MDH2: variants seen among roughly 807,000 people sequenced by gnomAD.
MDH2 encodes the protein malate dehydrogenase, mitochondrial.
Under a neutral mutation model 33.6 loss-of-function variants are expected in MDH2, and 25 were observed. The observed-to-expected ratio is 0.74, with a 90% CI of 0.54 to 1.04. The LOEUF (loss-of-function observed/expected upper bound fraction) is 1.04, where lower values mean the gene tolerates loss of function less well. Among genes scored for constraint, MDH2 ranks in the 50% least tolerant of loss-of-function variants. The pLI is 0.00. For missense variants in MDH2, 432 were observed against 445.0 expected (o/e 0.97, Z 0.26); for synonymous variants, 193 against 188.7 (o/e 1.02, Z -0.19).
intron 1 of MDH2, among the ~76,000 whole-genome samples, chr7:76,051,671 T>TAA (rs1554585457): frequency 1.3e-4 from 20 of 152,340 alleles, no homozygotes; most frequent in Admixed American, 1.3e-3. Context: ...AGCCCCAATG[T>TAA]ATTTACTTAT....
intron 8 of MDH2, among the ~76,000 whole-genome samples, chr7:76,065,331 CT>C (rs1298108023): frequency 6.6e-6 from 1 of 152,172 alleles, no homozygotes; most frequent in Non-Finnish European, 1.5e-5. Context: ...CCCAATTCCT[CT>C]TCGAGAGTGT....
chr7:76,057,392 G>A lies in MDH2; in HGVS notation c.236-18G>A. 6.2e-7 allele frequency: 1 copy of A among 1,613,944 alleles called. No homozygotes were observed. The highest frequency in any genetic ancestry group is 8.5e-7 in the Non-Finnish European group (1 of 1,179,920). On this transcript the variant is annotated intron_variant, in intron 2 of 8. Transcript: ENST00000315758. ...AATCAGAAACGGTGACATTTCTCTT[G>A]TGGGGTGTTTGTTCTAGGCTACCTC... is the stretch of plus-strand genomic sequence containing the variant.
At chr7:76,048,513 C>A in intron 1 of MDH2, 1 of 1,320,964 alleles carries the variant, frequency 7.6e-7, no homozygotes, top group Non-Finnish European at 9.7e-7. Context: ...TTGGCTTGCA[C>A]GCCTTCAAGG....
At chr7:76,051,318 ATTT>A (rs11342333) in intron 1 of MDH2, among the ~76,000 whole-genome samples, 12 of 129,812 alleles carry the variant, frequency 9.2e-5, no homozygotes, top group Admixed American at 1.6e-4. Flanking sequence ...CAGACTTTGG[ATTT>A]TTTTTTTTTT....
At chr7:76,053,173 A>G (rs981383504) in intron 1 of MDH2, among the ~76,000 whole-genome samples, 1 of 152,184 alleles carries the variant, frequency 6.6e-6, no homozygotes, top group Non-Finnish European at 1.5e-5. Flanking sequence ...CTCTGATAAG[A>G]AGGAGGTGGC....
At chr7:76,048,988 G>GGGA in intron 1 of MDH2, 1 of 44,966 alleles carries the variant, frequency 2.2e-5, no homozygotes, top group South Asian at 1.0e-3. Flanking sequence ...CTGCGGGGGG[G>GGGA]GGGGGGGGGG....
At chr7:76,048,781 T>G in intron 1 of MDH2, 3 of 1,225,684 alleles carry the variant, frequency 2.4e-6, no homozygotes, top group Non-Finnish European at 3.0e-6. Flanking sequence ...TTGGAGGATC[T>G]CTCCTGCTGT....
chr7:76,056,063 A>G (rs1554586251), intron 2 of MDH2, among the ~76,000 whole-genome samples: 1 of 152,040 alleles, frequency 6.6e-6, no homozygotes. Flanking sequence ...CCTGACCTCA[A>G]ATGATCCACC....
chr7:76,062,418 C>CA (rs1797981536), intron 5 of MDH2, among the ~76,000 whole-genome samples: 1 of 152,244 alleles, frequency 6.6e-6, no homozygotes, highest in Admixed American at 6.5e-5. Flanking sequence ...GCTTATACAC[C>CA]ACCAAGCTAA....
chr7:76,055,304 A>T (rs1797736543), intron 2 of MDH2, among the ~76,000 whole-genome samples: 1 of 152,144 alleles, frequency 6.6e-6, no homozygotes, highest in African/African-American at 2.4e-5. Context: ...GGGGACAGTA[A>T]GGTGGTGGTC....
In MDH2 at chr7:76,066,551, G is replaced by A; in HGVS notation, c.*141G>A. On this transcript the variant is annotated 3_prime_UTR_variant, in exon 9 of 9. Coordinates refer to ENST00000315758, the MANE Select transcript of MDH2 (RefSeq NM_005918.4). The stretch of plus-strand genomic sequence containing the variant: ...TCATCATGCCTTCCAAATTGTGGGT[G>A]GCTCTGTGGGCGCATCAATAAAAGC... 9.7e-7 allele frequency: 1 copy of A among 1,027,486 alleles called. No individual in the cohort carries two copies. The highest frequency in any genetic ancestry group is 3.5e-5 in the Admixed American group (1 of 28,724). 63.6% of individuals were successfully genotyped at this position (1,027,486 alleles called of 1,614,324 possible).
At chr7:76,054,168 A>C (rs1270469374) in intron 1 of MDH2, among the ~76,000 whole-genome samples, 1 of 152,178 alleles carries the variant, frequency 6.6e-6, no homozygotes, top group Non-Finnish European at 1.5e-5. Flanking sequence ...CCAGTGTGAG[A>C]TACTGGAGCC....
At position 76,058,484 on chromosome 7, in the gene MDH2, C is replaced by T. The variant is rs150475428; in HGVS notation, c.429+406C>T. Among the ~76,000 whole-genome samples the T allele has an allele frequency of 3.1e-3, 475 of 152,186 alleles. 9 individuals are homozygous for T. Among genetic ancestry groups the T allele is most frequent in the Admixed American group, 0.027 (408 of 15,280 alleles). On this transcript the variant is annotated intron_variant, in intron 4 of 8. Coordinates refer to ENST00000315758, the MANE Select transcript of MDH2 (RefSeq NM_005918.4). ...CAAGAGCCCAGTAGGTGCCTGAACCCTGAACCCTGTATATACCATGTGTAT... is the reference window on the plus strand; with the variant it reads ...CAAGAGCCCAGTAGGTGCCTGAACCTTGAACCCTGTATATACCATGTGTAT...
intron 5 of MDH2, among the ~76,000 whole-genome samples, chr7:76,062,581 C>T (rs1046519566): frequency 1.1e-4 from 16 of 152,224 alleles, no homozygotes; most frequent in African/African-American, 3.4e-4. Context: ...GCTGTTCCCT[C>T]GCTACCATTA....
intron 5 of MDH2, among the ~76,000 whole-genome samples, chr7:76,062,044 T>C (rs1797969232): frequency 6.6e-6 from 1 of 152,190 alleles, no homozygotes; most frequent in Admixed American, 6.5e-5. Context: ...CAGGGTACCT[T>C]GGCCCTTGGG....
At position 76,054,988 on chromosome 7, in the gene MDH2, C is replaced by T. The variant is rs781942767; in HGVS notation, c.225C>T (p.Ala75=). Reference sequence around the variant, plus strand: ...ATCTGAGCCACATCGAGACCAAAGCCGCTGTGAAAGGTACTGGGCGCGCTG... The same window carrying T: ...ATCTGAGCCACATCGAGACCAAAGCTGCTGTGAAAGGTACTGGGCGCGCTG... ...AADLSHIETK[A]AVKGYLGPEQ... is the part of the protein sequence containing the mutation. Residue 75 remains alanine (A), a synonymous_variant, in exon 2 of 9, where the codon GCC becomes GCT. Coordinates refer to ENST00000315758, the MANE Select transcript of MDH2 (RefSeq NM_005918.4). 9.3e-6 allele frequency: 15 copies of T among 1,613,250 alleles called. No individual in the cohort carries two copies. Among genetic ancestry groups the T allele is most frequent in the Admixed American group, 6.7e-5 (4 of 59,864 alleles).
Position 76,066,287 on chromosome 7 carries a change from C to T in MDH2, c.894C>T (p.Gly298=), listed in dbSNP as rs782549785. Residue 298 remains glycine (G), a synonymous_variant, in exon 9 of 9, where the codon GGC becomes GGT. Coordinates refer to ENST00000315758, the MANE Select transcript of MDH2 (RefSeq NM_005918.4). ...FSTPLLLGKK[G]IEKNLGIGKV... ...GTTCCCATCTCCCTCAGAAAAAGGG[C>T]ATCGAGAAGAACCTGGGCATCGGCA... 2 of 1,608,136 alleles carry T rather than the reference C, an allele frequency of 1.2e-6. No individual in the cohort carries two copies. Among genetic ancestry groups the T allele is most frequent in the African/African-American group, 1.3e-5 (1 of 74,090 alleles).
intron 4 of MDH2, among the ~76,000 whole-genome samples, chr7:76,059,602 G>A (rs888066620): frequency 6.6e-6 from 1 of 152,224 alleles, no homozygotes; most frequent in African/African-American, 2.4e-5. Context: ...CCTTCCTGGC[G>A]GAGCCTGGGT....
intron 1 of MDH2, chr7:76,048,493 G>T: frequency 7.7e-7 from 1 of 1,295,514 alleles, no homozygotes; most frequent in African/African-American, 1.6e-5. Flanking sequence ...ATTTCCCAGA[G>T]GACCTGCTCT....
Sources: allele counts gnomAD v4.1 joint callset (sites outside exome capture counted in the v4.1 genomes callset), GRCh38; gene constraint gnomAD v4.1.1; transcripts MANE v1.5; gene names NCBI Gene and HGNC (gene_info 2026-07-23, HGNC 2026-07-21).